The following SEC23A variants were observed in gnomAD, a reference collection of about 807,000 sequenced individuals.
SEC23A encodes the protein protein transport protein Sec23A.
Under a neutral mutation model 103.7 loss-of-function variants are expected in SEC23A, and 56 were observed. The ratio of observed to expected loss-of-function variants is 0.54; its 90% confidence interval spans 0.44 to 0.67. The LOEUF (loss-of-function observed/expected upper bound fraction) is 0.67. Among genes scored for constraint, SEC23A ranks in the 30% least tolerant of loss-of-function variants. SEC23A has a pLI of 0.00. For missense variants in SEC23A, 784 were observed against 936.4 expected, an observed-to-expected ratio of 0.84 and a Z score of 2.12; for synonymous variants, 281 against 293.0, an observed-to-expected ratio of 0.96 and a Z score of 0.42.
intron 7 of SEC23A, among the ~76,000 whole-genome samples, chr14:39,085,183 C>G (rs951895687): frequency 5.9e-5 from 9 of 152,160 alleles, no homozygotes; most frequent in African/African-American, 2.2e-4. Flanking sequence ...GGAGAGCTTC[C>G]AGACAAATGA....
In SEC23A at chr14:39,094,395, CACATATATAT is replaced by C. The variant is rs1187323797; in HGVS notation, c.222-1161_222-1152del. ...ATATACACACACACACACACACACACACATATATATATATATATATATATATATATATATA... is the reference window on the plus strand; with the variant it reads ...ATATACACACACACACACACACACACATATATATATATATATATATATATA... On this transcript the variant is annotated intron_variant, in intron 2 of 19. Transcript: ENST00000307712. Among the ~76,000 whole-genome samples, 24 of 11,116 alleles carry C rather than the reference CACATATATAT, an allele frequency of 2.2e-3. 5 individuals are homozygous for C. The highest frequency in any genetic ancestry group is 4.9e-3 in the East Asian group (1 of 206). 7.3% of individuals were successfully genotyped at this position (11,116 alleles called of 152,430 possible). A position where few individuals can be genotyped will look rare whatever the true frequency, so the allele number is the denominator to read the frequency against.
chr14:39,045,551 T>A (rs1207364781), intron 15 of SEC23A, among the ~76,000 whole-genome samples: 8 of 151,458 alleles, frequency 5.3e-5, no homozygotes, highest in Admixed American at 2.6e-4. Context: ...AAAAAAAAAA[T>A]TTTTAAGTTA....
chr14:39,100,412 T>G (rs950960781), intron 1 of SEC23A, among the ~76,000 whole-genome samples: 1 of 84,508 alleles, frequency 1.2e-5, no homozygotes, highest in East Asian at 3.7e-4. Flanking sequence ...ACAAGCCAAC[T>G]TAACTTTTTT....
At chr14:39,053,938 C>G (rs1886155102) in intron 14 of SEC23A, among the ~76,000 whole-genome samples, 2 of 151,706 alleles carry the variant, frequency 1.3e-5, no homozygotes, top group Admixed American at 1.3e-4. Context: ...TTTGAGACTA[C>G]CTTGAGCAAA....
At chr14:39,097,913 C>T (rs971416719) in intron 1 of SEC23A, among the ~76,000 whole-genome samples, 4 of 151,892 alleles carry the variant, frequency 2.6e-5, no homozygotes, top group Non-Finnish European at 5.9e-5. Context: ...GGCAAAACCC[C>T]GTCTCTACTA....
chr14:39,059,316 A>AAAAAAAAAAAAAG (rs1886387188), intron 13 of SEC23A, among the ~76,000 whole-genome samples: 1 of 148,032 alleles, frequency 6.8e-6, no homozygotes, highest in African/African-American at 2.5e-5. Flanking sequence ...AAAAACAACA[A>AAAAAAAAAAAAAG]GGTGCTCTGA....
At chr14:39,089,044 T>G (rs931160489) in intron 5 of SEC23A, among the ~76,000 whole-genome samples, 4 of 150,270 alleles carry the variant, frequency 2.7e-5, no homozygotes, top group African/African-American at 4.9e-5. Flanking sequence ...TGTGGTGGCA[T>G]GCGCCTGTAG....
intron 2 of SEC23A, among the ~76,000 whole-genome samples, 156 bp downstream of exon 2, chr14:39,095,732 ACTAGAATGAT>A (rs1887863454): frequency 6.6e-6 from 1 of 152,204 alleles, no homozygotes; most frequent in Admixed American, 6.5e-5. Flanking sequence ...ACTCAGTACA[ACTAGAATGAT>A]CCTAAAATTT....
intron 10 of SEC23A, among the ~76,000 whole-genome samples, chr14:39,066,326 C>T (rs1025624202): frequency 2.0e-5 from 3 of 151,924 alleles, no homozygotes; most frequent in Admixed American, 6.6e-5. Context: ...AATTAATGTG[C>T]TTAGAGTTAA....
intron 1 of SEC23A, among the ~76,000 whole-genome samples, chr14:39,098,143 G>A (rs984668353): frequency 1.3e-5 from 2 of 151,998 alleles, no homozygotes; most frequent in Admixed American, 1.3e-4. Flanking sequence ...CTTTGAGAAG[G>A]GTGGTATGAG....
At chr14:39,041,975 C>T (rs373532481) in intron 17 of SEC23A, among the ~76,000 whole-genome samples, 2 of 151,706 alleles carry the variant, frequency 1.3e-5, no homozygotes, top group African/African-American at 4.8e-5. Context: ...TTTGTAGAGA[C>T]AGGGTCTCAC....
At chr14:39,039,008 C>T (rs375235493) in intron 19 of SEC23A, 23 bp downstream of exon 19, 6 of 1,576,544 alleles carry the variant, frequency 3.8e-6, no homozygotes, top group Non-Finnish European at 4.4e-6. Flanking sequence ...AAATAATTTC[C>T]AAGACCTGCT....
At chr14:39,061,672 G>T in intron 13 of SEC23A, 93 bp downstream of exon 13, 2 of 826,348 alleles carry the variant, frequency 2.4e-6, no homozygotes, top group Non-Finnish European at 4.3e-6. Context: ...TCACTTGCTA[G>T]TCATGGATGT....
At chr14:39,070,893 G>A (rs1478822607) in intron 9 of SEC23A, among the ~76,000 whole-genome samples, 1 of 152,182 alleles carries the variant, frequency 6.6e-6, no homozygotes, top group Non-Finnish European at 1.5e-5. Flanking sequence ...TGGACGTAGT[G>A]GCGCATGCCT....
Position 39,065,875 on chromosome 14 carries a change from G to A in SEC23A, c.1228-882C>T, listed in dbSNP as rs571333144. On this transcript the variant is annotated intron_variant, in intron 10 of 19. Transcript: ENST00000307712. ...TAGCTGGGCATGGTGGCACATGCCT[G>A]TAATCCCAGCTACTCGGGAGGGTGA... 2.0e-5 allele frequency among the ~76,000 whole-genome samples: 3 copies of A among 151,938 alleles called. No individual in the cohort carries two copies. The South Asian group carries it at 6.2e-4, about 32-fold the overall frequency.
chr14:39,091,871 A>G (rs897515654), intron 4 of SEC23A, among the ~76,000 whole-genome samples, 158 bp from the exon 5 acceptor site: 6 of 152,260 alleles, frequency 3.9e-5, no homozygotes, highest in African/African-American at 1.4e-4. Flanking sequence ...AGAGAGATCT[A>G]AGACATATCA....
chr14:39,045,216 G>A lies in SEC23A; in HGVS notation c.1846C>T (p.Leu616=). 6.2e-7 allele frequency: 1 copy of A among 1,613,646 alleles called. No individual in the cohort carries two copies. Among genetic ancestry groups the A allele is most frequent in the Non-Finnish European group, 8.5e-7 (1 of 1,179,772 alleles). The change falls in exon 16 of 20, where the codon CTA becomes TTA. Residue 616 remains leucine, a synonymous_variant. Coordinates refer to ENST00000307712, the MANE Select transcript of SEC23A (RefSeq NM_006364.4). Reference sequence around the variant, plus strand: ...TACAGGATAGGCTGAATCATAATTAGAGACTGGGTCAGATCTTGACGCATA... The same window carrying A: ...TACAGGATAGGCTGAATCATAATTAAAGACTGGGTCAGATCTTGACGCATA... ...HFMRQDLTQS[L]IMIQPILYAY... is the part of the protein sequence containing the mutation.
chr14:39,039,083 AG>A lies in SEC23A; in HGVS notation c.2155del (p.Leu719PhefsTer38), dbSNP rs775473659. Reference protein sequence around the residue: ...EHGGSQARFLLSKVNPSQTHN... With the variant: ...EHGGSQARFLXSKVNPSQTHN... The stretch of plus-strand genomic sequence containing the variant: ...AGTCTGTGAAGGGTTGACTTTTGAA[AG>A]GAGGAAACGGGCCTTAAAAGCAAAG... On this transcript the variant is annotated frameshift_variant, in exon 19 of 20. Coordinates refer to ENST00000307712, the MANE Select transcript of SEC23A (RefSeq NM_006364.4). LOFTEE classifies it high-confidence loss of function. 1 of 1,613,782 alleles carries A rather than the reference AG, an allele frequency of 6.2e-7. No homozygotes were observed. The highest frequency in any genetic ancestry group is 1.1e-5 in the South Asian group (1 of 91,030).
At chr14:39,102,356 C>T (rs1220763200) in intron 1 of SEC23A, among the ~76,000 whole-genome samples, 1 of 152,204 alleles carries the variant, frequency 6.6e-6, no homozygotes, top group African/African-American at 2.4e-5. Context: ...GTTAATTTGG[C>T]TAGTTATCCA....
Sources: allele counts gnomAD v4.1 joint callset (sites outside exome capture counted in the v4.1 genomes callset), GRCh38; gene constraint gnomAD v4.1.1; transcripts MANE v1.5; gene names NCBI Gene and HGNC (gene_info 2026-07-23, HGNC 2026-07-21).